NAV2: variants seen among roughly 807,000 people sequenced by gnomAD.
NAV2 encodes helicase, APC down-regulated 1.
A neutral mutation model predicts 223.2 loss-of-function variants in NAV2; 54 were observed. The ratio of observed to expected loss-of-function variants is 0.24; its 90% CI spans 0.19 to 0.30. The LOEUF is 0.30. Among genes scored for constraint, NAV2 ranks in the 10% least tolerant of loss-of-function variants. NAV2 has a pLI of 1.00. For missense variants in NAV2, 2,806 were observed against 3,147.5 expected (o/e 0.89, Z 2.60); for synonymous variants, 1,279 against 1,239.3 (o/e 1.03, Z -0.67).
chr11:19,884,295 G>A (rs769436126), intron 5 of NAV2: 1 of 1,612,770 alleles, frequency 6.2e-7, no homozygotes, highest in South Asian at 1.1e-5. Context: ...ATCATGCAGT[G>A]CATCATCCAA....
chr11:19,623,147 TG>T (rs761106137), intron 1 of NAV2, among the ~76,000 whole-genome samples: 11 of 152,248 alleles, frequency 7.2e-5, no homozygotes, highest in Non-Finnish European at 1.0e-4. Flanking sequence ...GTTAGTCTGA[TG>T]GGCTTCCCTT....
At chr11:19,802,077 T>A (rs1018475841) in intron 1 of NAV2, among the ~76,000 whole-genome samples, 3 of 152,130 alleles carry the variant, frequency 2.0e-5, no homozygotes, top group African/African-American at 7.2e-5. Flanking sequence ...TTATGACTCG[T>A]GAAAGAGACA....
intron 1 of NAV2, among the ~76,000 whole-genome samples, chr11:19,385,492 A>C (rs1442327974): frequency 6.6e-6 from 1 of 152,212 alleles, no homozygotes; most frequent in African/African-American, 2.4e-5. Flanking sequence ...GTATTATCTT[A>C]CAACAAATTT....
At chr11:19,641,474 C>T (rs1338894286) in intron 1 of NAV2, among the ~76,000 whole-genome samples, 1 of 152,058 alleles carries the variant, frequency 6.6e-6, no homozygotes, top group Non-Finnish European at 1.5e-5. Flanking sequence ...CCATCCTCCT[C>T]AGCAGCCAAT....
intron 1 of NAV2, among the ~76,000 whole-genome samples, chr11:19,494,765 G>A (rs184186652): frequency 4.9e-4 from 74 of 152,298 alleles, no homozygotes; most frequent in African/African-American, 3.4e-4. Flanking sequence ...CACTTGCCCT[G>A]CATAGCCTGC....
At chr11:19,794,227 C>A (rs755570179) in intron 1 of NAV2, among the ~76,000 whole-genome samples, 11 of 152,188 alleles carry the variant, frequency 7.2e-5, no homozygotes, top group Non-Finnish European at 1.3e-4. Flanking sequence ...AACGCCTGTG[C>A]TCGGCGTTGT....
In NAV2 at chr11:20,045,342, A is replaced by C. The variant is rs759435080; in HGVS notation, c.3574A>C (p.Ser1192Arg). The change falls in exon 14 of 38, where the codon AGT becomes CGT. Residue 1192 changes from serine to arginine, a missense_variant. Physicochemically the swap from Ser to Arg is moderately radical, Grantham distance 110. Transcript: ENST00000349880. ...CTCCCGGACAAACCTTCAGTACCGG[A>C]GTTTGCCGAGGCCCAGTAAGTCCAA... ...LSSRTNLQYR[S>R]LPRPSKSNSR... 5.0e-6 allele frequency: 8 copies of C among 1,614,100 alleles called. No homozygotes were observed. Among genetic ancestry groups the C allele is most frequent in the Non-Finnish European group, 5.9e-6 (7 of 1,179,994 alleles).
chr11:19,752,420 C>T (rs2053903477), intron 1 of NAV2, among the ~76,000 whole-genome samples: 1 of 152,178 alleles, frequency 6.6e-6, no homozygotes, highest in Non-Finnish European at 1.5e-5. Context: ...CTTCCTTTCT[C>T]ATTTCAAAAA....
At chr11:19,486,303 A>G (rs2042443954) in intron 1 of NAV2, among the ~76,000 whole-genome samples, 1 of 152,088 alleles carries the variant, frequency 6.6e-6, no homozygotes, top group African/African-American at 2.4e-5. Flanking sequence ...CCACTAGGTG[A>G]TGGCCTTCCT....
intron 1 of NAV2, among the ~76,000 whole-genome samples, chr11:19,405,083 A>G (rs1239204582): frequency 6.6e-6 from 1 of 152,212 alleles, no homozygotes; most frequent in African/African-American, 2.4e-5. Flanking sequence ...GACAGGAATT[A>G]GTATTAACTG....
chr11:19,883,476 C>T (rs932502063), intron 5 of NAV2, among the ~76,000 whole-genome samples: 2 of 152,152 alleles, frequency 1.3e-5, no homozygotes, highest in Non-Finnish European at 2.9e-5. Flanking sequence ...GCTTTTTTTC[C>T]TCCATCTGTG....
chr11:19,583,530 T>C (rs1183261273), intron 1 of NAV2, among the ~76,000 whole-genome samples: 2 of 152,250 alleles, frequency 1.3e-5, no homozygotes, highest in Non-Finnish European at 2.9e-5. Flanking sequence ...TAGATAGCTC[T>C]TATTATTTTG....
Position 19,989,069 on chromosome 11 carries a change from C to T in NAV2, c.2768+4822C>T, listed in dbSNP as rs151101413. 2.7e-4 allele frequency among the ~76,000 whole-genome samples: 41 copies of T among 152,322 alleles called. No individual in the cohort carries two copies. The South Asian group carries it at 7.9e-3, about 29-fold the overall frequency. On this transcript the variant is annotated intron_variant, in intron 11 of 37. Transcript: ENST00000349880. ...GCAGCAAAAACGGGAAGAGACTGCT[C>T]CCCTCACGCTTCATTCTAAGCCTGT...
intron 1 of NAV2, among the ~76,000 whole-genome samples, chr11:19,402,275 A>T (rs1017993394): frequency 2.6e-5 from 4 of 152,216 alleles, no homozygotes; most frequent in African/African-American, 9.6e-5. Flanking sequence ...ACTTTGAACA[A>T]GTTACTTATG....
intron 1 of NAV2, among the ~76,000 whole-genome samples, chr11:19,554,222 G>A (rs1316243987): frequency 6.6e-6 from 1 of 152,174 alleles, no homozygotes; most frequent in East Asian, 1.9e-4. Flanking sequence ...CTGATAATTA[G>A]AATTTAGAAT....
chr11:19,713,816 T>C lies in NAV2; in HGVS notation c.121T>C (p.Leu41=), dbSNP rs1316631705. The C allele has an allele frequency of 1.2e-6, 2 of 1,613,078 alleles. No individual in the cohort carries two copies. The highest frequency in any genetic ancestry group is 1.7e-6 in the Non-Finnish European group (2 of 1,179,772). The change falls in exon 1 of 38, where the codon TTG becomes CTG. Residue 41 remains leucine (L), a synonymous_variant. Transcript: ENST00000349880. This position sits in a 1 kb window ranked among gnomAD's most constrained non-coding sequence, Gnocchi z 7.2. The part of the protein sequence containing the change: ...RAGPQPCYLK[L]GSKVEVSKTT... ...GGGCCCCCAGCCCTGCTACCTGAAGTTGGGAAGCAAGGTGGAGGTGAGCAA... is the reference window on the plus strand; with the variant it reads ...GGGCCCCCAGCCCTGCTACCTGAAGCTGGGAAGCAAGGTGGAGGTGAGCAA...
intron 18 of NAV2, among the ~76,000 whole-genome samples, chr11:20,055,270 G>C (rs1028565463): frequency 1.3e-5 from 2 of 152,150 alleles, no homozygotes; most frequent in African/African-American, 4.8e-5. Context: ...TGAGACAAAT[G>C]TACCTTCCTT....
At chr11:19,510,263 C>T (rs530292787) in intron 1 of NAV2, among the ~76,000 whole-genome samples, 1 of 152,286 alleles carries the variant, frequency 6.6e-6, no homozygotes, top group African/African-American at 2.4e-5. Context: ...GTCATTAACC[C>T]TCACAGTTAC....
intron 1 of NAV2, among the ~76,000 whole-genome samples, chr11:19,409,476 A>G (rs900482973): frequency 6.6e-6 from 1 of 151,958 alleles, no homozygotes; most frequent in African/African-American, 2.4e-5. Context: ...CATCTCTTGG[A>G]TTTAGATAGC....
Sources: gnomAD v4.1 joint callset for allele counts (sites outside exome capture counted in the v4.1 genomes callset) on GRCh38, gnomAD v4.1.1 for gene constraint, Gnocchi (gnomAD v3.1) non-coding constraint, MANE v1.5 for transcripts, NCBI Gene and HGNC (gene_info 2026-07-23, HGNC 2026-07-21) for gene names.